SCN11A: variants seen among roughly 807,000 people sequenced by gnomAD.
SCN11A encodes the protein sodium channel protein type 11 subunit alpha.
SCN11A carries 122 observed loss-of-function variants against 162.2 expected under a neutral mutation model. That is an observed-to-expected ratio of 0.75 (90% CI 0.65 to 0.87). SCN11A has a LOEUF of 0.87. SCN11A is among the 40% of genes least tolerant of loss of function. The pLI is 0.00. For missense variants in SCN11A, 2,015 were observed against 2,181.6 expected (o/e 0.92, Z 1.52); for synonymous variants, 758 against 751.5 (o/e 1.01, Z -0.14).
chr3:38,916,460 C>T (rs902608936), intron 11 of SCN11A, among the ~76,000 whole-genome samples: 4 of 152,216 alleles, frequency 2.6e-5, no homozygotes, highest in Non-Finnish European at 4.4e-5. Flanking sequence ...TCTATGCATC[C>T]ATTCTCTATA....
chr3:38,941,985 G>A (rs7645012), intron 7 of SCN11A, among the ~76,000 whole-genome samples: 61,044 of 151,906 alleles, frequency 0.4, 12,951 homozygotes, highest in African/African-American at 0.55. Context: ...CAAAGACACA[G>A]AAGGTTTGAG....
intron 2 of SCN11A, among the ~76,000 whole-genome samples, 191 bp from the exon 3 acceptor site, chr3:38,960,614 T>G (rs74733910): frequency 6.8e-6 from 1 of 146,842 alleles, no homozygotes; most frequent in Admixed American, 6.6e-5. Flanking sequence ...CAGGTTGTTG[T>G]TTTTTTTTCT....
chr3:39,016,651 G>A (rs2031296936), intron 2 of SCN11A, among the ~76,000 whole-genome samples: 1 of 152,034 alleles, frequency 6.6e-6, no homozygotes, highest in Non-Finnish European at 1.5e-5. Context: ...TCGCCAGGCT[G>A]GAGTGCAGTG....
In SCN11A at chr3:39,007,071, T is replaced by C. The variant is rs547047748; in HGVS notation, c.-280+25309A>G. Among the ~76,000 whole-genome samples, 4 of 152,092 alleles carry C rather than the reference T, an allele frequency of 2.6e-5. No homozygotes were observed. The South Asian group carries it at 6.2e-4, about 24-fold the overall frequency. On this transcript the variant is annotated intron_variant, in intron 2 of 29. Coordinates refer to ENST00000302328, the MANE Select transcript of SCN11A (RefSeq NM_001349253.2). ...AAAAATTCAAGAAATTTTCCCAGAA[T>C]GGAAAAACATGAATTTCCAGATTAA... is the stretch of plus-strand genomic sequence containing the variant.
chr3:38,988,139 C>T (rs78789333), intron 2 of SCN11A, among the ~76,000 whole-genome samples: 4,270 of 152,174 alleles, frequency 0.028, 202 homozygotes, highest in African/African-American at 0.097. Flanking sequence ...TGCAGGGCCC[C>T]ATGTGACTGC....
intron 4 of SCN11A, among the ~76,000 whole-genome samples, chr3:38,953,098 AT>A (rs1275021919): frequency 6.6e-6 from 1 of 152,004 alleles, no homozygotes; most frequent in African/African-American, 2.4e-5. Flanking sequence ...CACTCTAACT[AT>A]TGGGAATTGG....
intron 19 of SCN11A, among the ~76,000 whole-genome samples, chr3:38,889,554 C>T (rs1053455010): frequency 6.6e-6 from 1 of 151,996 alleles, no homozygotes; most frequent in Non-Finnish European, 1.5e-5. Flanking sequence ...AATCCCAGCA[C>T]TTTGGGAGGC....
At chr3:38,848,161 C>T (rs946381458) in intron 29 of SCN11A, among the ~76,000 whole-genome samples, 1 of 152,160 alleles carries the variant, frequency 6.6e-6, no homozygotes, top group African/African-American at 2.4e-5. Flanking sequence ...GCTGAAGGGA[C>T]ACAATTTGGA....
intron 21 of SCN11A, among the ~76,000 whole-genome samples, chr3:38,884,461 T>C (rs1054703024): frequency 6.6e-6 from 1 of 152,354 alleles, no homozygotes; most frequent in East Asian, 1.9e-4. Context: ...CCTAAACTTA[T>C]AGATAATTTT....
At chr3:39,038,116 G>A (rs1041736962) in intron 1 of SCN11A, among the ~76,000 whole-genome samples, 5 of 152,146 alleles carry the variant, frequency 3.3e-5, no homozygotes, top group Admixed American at 3.3e-4. Flanking sequence ...AGGAAGAGAA[G>A]GTGTATTAGT....
intron 19 of SCN11A, among the ~76,000 whole-genome samples, chr3:38,891,490 C>G (rs1431712904): frequency 6.6e-6 from 1 of 151,998 alleles, no homozygotes; most frequent in African/African-American, 2.4e-5. Flanking sequence ...GCTGAAGACT[C>G]CTCAAAATTG....
chr3:38,931,930 A>T (rs1475393161), intron 7 of SCN11A, among the ~76,000 whole-genome samples: 1 of 152,190 alleles, frequency 6.6e-6, no homozygotes, highest in East Asian at 1.9e-4. Context: ...GGTCTCTTTG[A>T]ATTACTAGAG....
In SCN11A at chr3:38,926,922, G is replaced by A. The variant is rs2066152021; in HGVS notation, c.498C>T (p.Phe166=). ...SNNTDIAECV[F]TGIYIFEALI... is the part of the protein sequence containing the mutation. ...AAGCTTCAAAAATATAAATCCCAGT[G>A]AAGACACACCTAAAAAGCAAATCAT... The change falls in exon 8 of 30, where the codon TTC becomes TTT. Residue 166 remains phenylalanine, a synonymous_variant. Transcript: ENST00000302328. 1 of 1,612,576 alleles carries A rather than the reference G, an allele frequency of 6.2e-7. No individual in the cohort carries two copies. The highest frequency in any genetic ancestry group is 1.7e-5 in the Admixed American group (1 of 59,838).
intron 28 of SCN11A, among the ~76,000 whole-genome samples, chr3:38,852,431 C>G (rs2064797480): frequency 1.3e-5 from 2 of 152,154 alleles, no homozygotes; most frequent in Non-Finnish European, 2.9e-5. Context: ...TTAACTCTAA[C>G]ATCTAGACAA....
chr3:38,879,865 C>T (rs1351785050), intron 23 of SCN11A, 85 bp downstream of exon 23: 62 of 1,012,712 alleles, frequency 6.1e-5, no homozygotes, highest in Middle Eastern at 2.1e-4. Flanking sequence ...CATCCATATG[C>T]GGCACACAGG....
chr3:38,870,785 A>G, intron 25 of SCN11A, 41 bp from the exon 26 acceptor site: 1 of 1,571,756 alleles, frequency 6.4e-7, no homozygotes, highest in Non-Finnish European at 8.8e-7. Context: ...ACAAATGTAG[A>G]CTTGCCATCA....
intron 2 of SCN11A, among the ~76,000 whole-genome samples, chr3:39,006,750 C>T (rs1271013466): frequency 1.3e-5 from 2 of 152,044 alleles, no homozygotes; most frequent in African/African-American, 2.4e-5. Context: ...TACAGCAAGC[C>T]ATGATTGTAC....
intron 1 of SCN11A, among the ~76,000 whole-genome samples, chr3:39,038,275 A>G (rs1414177544): frequency 6.6e-6 from 1 of 152,220 alleles, no homozygotes; most frequent in Non-Finnish European, 1.5e-5. Flanking sequence ...GGTTGCAGTC[A>G]AGATGTTATC....
chr3:38,947,901 T>G (rs2066542313), intron 5 of SCN11A, among the ~76,000 whole-genome samples: 1 of 152,202 alleles, frequency 6.6e-6, no homozygotes, highest in Non-Finnish European at 1.5e-5. Context: ...TTGCAAAAAG[T>G]ACTACTTGGC....
Sources: gnomAD v4.1 joint callset for allele counts (sites outside exome capture counted in the v4.1 genomes callset) on GRCh38, gnomAD v4.1.1 for gene constraint, MANE v1.5 for transcripts, NCBI Gene and HGNC (gene_info 2026-07-23, HGNC 2026-07-21) for gene names.